RASGEF1C: variants seen among roughly 807,000 people sequenced by gnomAD.
The protein encoded by RASGEF1C is RasGEF domain family member 1C.
Under a neutral mutation model 58.1 loss-of-function variants are expected in RASGEF1C, and 27 were observed. That is an observed-to-expected ratio of 0.46 (90% CI 0.34 to 0.64). RASGEF1C has a LOEUF of 0.64. Ranked by LOEUF, RASGEF1C falls within the 30% of genes least tolerant of loss-of-function variation. RASGEF1C has a pLI of 0.01. For missense variants in RASGEF1C, 502 were observed against 605.1 expected (o/e 0.83, Z 1.79); for synonymous variants, 243 against 246.3 (o/e 0.99, Z 0.13).
At chr5:180,139,685 C>T (rs1400471914) in intron 1 of RASGEF1C, among the ~76,000 whole-genome samples, 1 of 152,244 alleles carries the variant, frequency 6.6e-6, no homozygotes, top group Non-Finnish European at 1.5e-5. Flanking sequence ...CACAAAATCA[C>T]CTCCTGTCTG....
At chr5:180,207,981 C>T (rs1460999386) in intron 1 of RASGEF1C, among the ~76,000 whole-genome samples, 1 of 152,158 alleles carries the variant, frequency 6.6e-6, no homozygotes, top group East Asian at 1.9e-4. Flanking sequence ...TTTGGTGTCC[C>T]CTCCCACACC....
chr5:180,111,027 G>A (rs1765951653), intron 12 of RASGEF1C, among the ~76,000 whole-genome samples: 1 of 152,106 alleles, frequency 6.6e-6, no homozygotes, highest in African/African-American at 2.4e-5. Flanking sequence ...TGTTGGTTAG[G>A]CTGGTCTCAA....
intron 6 of RASGEF1C, 132 bp from the exon 7 acceptor site, chr5:180,121,281 G>T (rs1766163259): frequency 3.1e-6 from 2 of 645,680 alleles, no homozygotes; most frequent in Admixed American, 5.1e-5. Context: ...AAATACCAAA[G>T]ATTTGGTATG....
intron 1 of RASGEF1C, among the ~76,000 whole-genome samples, chr5:180,179,292 G>T (rs572706247): frequency 1.3e-5 from 2 of 152,224 alleles, no homozygotes; most frequent in Admixed American, 1.3e-4. Flanking sequence ...AGATGAGGGA[G>T]GCTGCAGGGA....
chr5:180,132,239 G>T (rs1436343445), intron 4 of RASGEF1C, among the ~76,000 whole-genome samples: 1 of 152,220 alleles, frequency 6.6e-6, no homozygotes, highest in Non-Finnish European at 1.5e-5. Context: ...TGCCCGGGAG[G>T]CTGGGTGGTC....
intron 1 of RASGEF1C, among the ~76,000 whole-genome samples, chr5:180,186,945 TCAAACAAA>T (rs536833919): frequency 7.2e-5 from 11 of 152,038 alleles, no homozygotes; most frequent in African/African-American, 1.7e-4. Flanking sequence ...AGACTCAGTC[TCAAACAAA>T]CAAACAAACA....
intron 11 of RASGEF1C, among the ~76,000 whole-genome samples, chr5:180,113,954 A>C (rs1766021138): frequency 6.6e-6 from 1 of 152,080 alleles, no homozygotes; most frequent in Non-Finnish European, 1.5e-5. Flanking sequence ...TGGCAGGTCC[A>C]GGGGGGCTTC....
chr5:180,192,320 G>A (rs998579209), intron 1 of RASGEF1C, among the ~76,000 whole-genome samples: 5 of 152,034 alleles, frequency 3.3e-5, no homozygotes, highest in Non-Finnish European at 7.4e-5. Flanking sequence ...CCCACAGCAC[G>A]GATACGTTCT....
chr5:180,178,837 C>G (rs1767274088), intron 1 of RASGEF1C, among the ~76,000 whole-genome samples: 1 of 152,012 alleles, frequency 6.6e-6, no homozygotes, highest in Admixed American at 6.6e-5. Context: ...CTAATGCACC[C>G]CCGGCTGATA....
chr5:180,136,544 G>T, intron 3 of RASGEF1C, 29 bp from the exon 4 acceptor site: 1 of 1,555,682 alleles, frequency 6.4e-7, no homozygotes, highest in Non-Finnish European at 8.7e-7. Context: ...CACCGCGCTC[G>T]TGAGGGGCGC....
chr5:180,136,400 C>T lies in RASGEF1C; in HGVS notation c.416G>A (p.Gly139Asp). Residue 139 changes from glycine to aspartate, a missense_variant, in exon 4 of 14, where the codon GGC becomes GAC. Gly to Asp is a moderately conservative substitution (Grantham distance 94). Coordinates refer to ENST00000361132, the MANE Select transcript of RASGEF1C (RefSeq NM_175062.4). Reference sequence around the variant, plus strand: ...CACCTCGTCACAGGGGGCGATGCGGCCCACGACGTCCTTAAGGTGCCCGAT... The same window carrying T: ...CACCTCGTCACAGGGGGCGATGCGGTCCACGACGTCCTTAAGGTGCCCGAT... Reference protein sequence around the residue: ...STIGHLKDVVGRIAPCDEAYR... With the variant: ...STIGHLKDVVDRIAPCDEAYR... The T allele has an allele frequency of 6.4e-7, 1 of 1,558,602 alleles. No individual in the cohort carries two copies. Among genetic ancestry groups the T allele is most frequent in the Non-Finnish European group, 8.7e-7 (1 of 1,151,286 alleles).
intron 1 of RASGEF1C, among the ~76,000 whole-genome samples, chr5:180,153,549 T>C (rs1766799490): frequency 6.6e-6 from 1 of 152,240 alleles, no homozygotes; most frequent in South Asian, 2.1e-4. Context: ...GGAATCCTGA[T>C]GCCTGCTACT....
chr5:180,164,497 T>C (rs1277223490), intron 1 of RASGEF1C, among the ~76,000 whole-genome samples: 1 of 152,242 alleles, frequency 6.6e-6, no homozygotes, highest in Non-Finnish European at 1.5e-5. Context: ...TACACTATAT[T>C]TTCATTCAGT....
intron 6 of RASGEF1C, among the ~76,000 whole-genome samples, chr5:180,127,057 T>C (rs1766274815): frequency 6.6e-6 from 1 of 152,190 alleles, no homozygotes; most frequent in African/African-American, 2.4e-5. Context: ...AATTCTGGCT[T>C]GGATTTAGCC....
chr5:180,121,656 CACACACACACACACACACACACACA>C (rs1354078206), intron 6 of RASGEF1C, among the ~76,000 whole-genome samples: 1 of 86,018 alleles, frequency 1.2e-5, no homozygotes, highest in Non-Finnish European at 2.4e-5. Context: ...CACACACACA[CACACACACACACACACACACACACA>C]CCCTCATTAT....
intron 1 of RASGEF1C, among the ~76,000 whole-genome samples, chr5:180,179,319 G>C (rs1767282575): frequency 6.6e-6 from 1 of 152,132 alleles, no homozygotes; most frequent in Non-Finnish European, 1.5e-5. Flanking sequence ...AGTAGAGGGT[G>C]GTGGGAGGTA....
At chr5:180,117,440 T>G (rs1264891810) in intron 10 of RASGEF1C, among the ~76,000 whole-genome samples, 1 of 152,214 alleles carries the variant, frequency 6.6e-6, no homozygotes, top group Admixed American at 6.5e-5. Context: ...GAGACAGACA[T>G]GCATGCACCA....
chr5:180,172,769 C>T (rs945399020), intron 1 of RASGEF1C, among the ~76,000 whole-genome samples: 2 of 152,180 alleles, frequency 1.3e-5, no homozygotes, highest in African/African-American at 4.8e-5. Flanking sequence ...CTGTGCTCCT[C>T]ATCTCTGTGC....
chr5:180,208,226 ACT>A (rs1242321054), intron 1 of RASGEF1C, among the ~76,000 whole-genome samples: 3 of 151,520 alleles, frequency 2.0e-5, no homozygotes, highest in Admixed American at 6.6e-5. Flanking sequence ...GCTTCCCAGG[ACT>A]CTTCTCAGGC....
Sources: allele counts gnomAD v4.1 joint callset (sites outside exome capture counted in the v4.1 genomes callset), GRCh38; gene constraint gnomAD v4.1.1; transcripts MANE v1.5; gene names NCBI Gene and HGNC (gene_info 2026-07-23, HGNC 2026-07-21).